Variants in UBE3C observed in about 807,000 individuals in gnomAD.
UBE3C encodes the protein ubiquitin protein ligase E3C.
A neutral mutation model predicts 129.4 loss-of-function variants in UBE3C; 42 were observed. The observed-to-expected ratio is 0.32, with a 90% CI of 0.25 to 0.42. The LOEUF (loss-of-function observed/expected upper bound fraction) is 0.42, where lower values mean the gene tolerates loss of function less well. Ranked by LOEUF, UBE3C falls within the 10% of genes least tolerant of loss-of-function variation. UBE3C has a pLI of 1.00. For synonymous variants in UBE3C, 510 were observed against 492.4 expected (o/e 1.04, Z -0.47); for missense variants, 1,049 against 1,319.1 (o/e 0.80, Z 3.17).
intron 1 of UBE3C, among the ~76,000 whole-genome samples, chr7:157,162,518 A>T (rs548573590): frequency 6.6e-6 from 1 of 150,540 alleles, no homozygotes; most frequent in South Asian, 2.1e-4. Flanking sequence ...GTAATGATTC[A>T]TATATAGTGT....
chr7:157,216,880 T>G lies in UBE3C; in HGVS notation c.1823T>G (p.Leu608Arg). 6.2e-7 allele frequency: 1 copy of G among 1,613,890 alleles called. No homozygotes were observed. The highest frequency in any genetic ancestry group is 8.5e-7 in the Non-Finnish European group (1 of 1,179,872). Residue 608 changes from leucine to arginine, a missense_variant, in exon 14 of 23, where the codon CTA (leucine) becomes CGA (arginine). Physicochemically the swap from Leu to Arg is moderately radical, Grantham distance 102 (BLOSUM62 -2). This residue lies in a region of UBE3C where 314 missense variants were observed against 416.9 expected (regional missense o/e 0.75). Coordinates refer to ENST00000348165, the MANE Select transcript of UBE3C (RefSeq NM_014671.3). Reference protein sequence around the residue: ...WIQLFKVITNLVKMLKSRDTR... With the variant: ...WIQLFKVITNRVKMLKSRDTR... ...CTTTCTTTTCAGGTTATCACCAATC[T>G]AGTGAAAATGTTGAAGTCCAGAGAC...
chr7:157,249,590 G>A (rs1294543350), intron 19 of UBE3C, among the ~76,000 whole-genome samples: 1 of 152,240 alleles, frequency 6.6e-6, no homozygotes, highest in African/African-American at 2.4e-5. Context: ...TGGGATTACA[G>A]GCGTGAGCCA....
chr7:157,159,781 C>G (rs1386627478), intron 1 of UBE3C, among the ~76,000 whole-genome samples: 2 of 152,090 alleles, frequency 1.3e-5, no homozygotes. Flanking sequence ...CAAGATAGCC[C>G]CACTGCACTC....
chr7:157,171,517 C>T (rs2116887854), intron 4 of UBE3C, among the ~76,000 whole-genome samples: 1 of 151,640 alleles, frequency 6.6e-6, no homozygotes, highest in African/African-American at 2.4e-5. Flanking sequence ...TGCTGAGGAA[C>T]AGTGTGTATT....
chr7:157,184,612 C>T (rs1808758654), intron 9 of UBE3C, among the ~76,000 whole-genome samples: 1 of 152,086 alleles, frequency 6.6e-6, no homozygotes, highest in Non-Finnish European at 1.5e-5. Context: ...TGAGGTATGG[C>T]TATCATAAGT....
chr7:157,154,887 A>C (rs796960305), intron 1 of UBE3C, among the ~76,000 whole-genome samples: 5 of 152,298 alleles, frequency 3.3e-5, no homozygotes, highest in African/African-American at 1.2e-4. Flanking sequence ...GCTATACTGA[A>C]ATGTATTTAA....
chr7:157,229,205 A>G (rs1795956735), intron 17 of UBE3C, among the ~76,000 whole-genome samples: 1 of 152,168 alleles, frequency 6.6e-6, no homozygotes, highest in African/African-American at 2.4e-5. Flanking sequence ...ATTCTTAGGG[A>G]AAGATAAAGG....
At chr7:157,237,812 G>A (rs1479716765) in intron 18 of UBE3C, among the ~76,000 whole-genome samples, 2 of 152,044 alleles carry the variant, frequency 1.3e-5, no homozygotes, top group Non-Finnish European at 2.9e-5. Context: ...TTGGGAGGCC[G>A]AGGTGGGAAG....
intron 10 of UBE3C, chr7:157,192,234 G>C: frequency 3.2e-6 from 1 of 316,438 alleles, no homozygotes; most frequent in East Asian, 7.2e-5. Context: ...GAGTACACTT[G>C]GAAGAAGCAT....
rs375850651 is a variant in UBE3C at position 157,183,913 on chromosome 7, C to T, written c.1027C>T (p.Arg343Trp). The change falls in exon 9 of 23, where the codon CGG becomes TGG. Residue 343 changes from arginine (R) to tryptophan (W), a missense_variant. By Grantham distance (101) the Arg-to-Trp change is moderately radical. Coordinates refer to ENST00000348165, the MANE Select transcript of UBE3C (RefSeq NM_014671.3). ...LSEEGLLVYL[R>W]VLQTFLSQLP... Reference sequence around the variant, plus strand: ...TGAGGAAGGGCTGCTGGTGTATTTGCGGGTGCTGCAGACCTTCCTCTCTCA... The same window carrying T: ...TGAGGAAGGGCTGCTGGTGTATTTGTGGGTGCTGCAGACCTTCCTCTCTCA... 1.3e-5 allele frequency: 21 copies of T among 1,613,946 alleles called. No homozygotes were observed. Among genetic ancestry groups the T allele is most frequent in the African/African-American group, 2.7e-5 (2 of 74,900 alleles).
chr7:157,223,797 G>A (rs886071154), intron 16 of UBE3C, among the ~76,000 whole-genome samples: 2 of 152,114 alleles, frequency 1.3e-5, no homozygotes, highest in Non-Finnish European at 2.9e-5. Flanking sequence ...GCATGTACCT[G>A]TAGTCCCAGC....
At chr7:157,197,497 T>C in intron 10 of UBE3C, 1 of 817,104 alleles carries the variant, frequency 1.2e-6, no homozygotes, top group Non-Finnish European at 1.7e-6. Context: ...GTAAAAATAA[T>C]AAAAATAATT....
intron 1 of UBE3C, among the ~76,000 whole-genome samples, chr7:157,157,322 A>G (rs1807937216): frequency 6.6e-6 from 1 of 152,236 alleles, no homozygotes; most frequent in Non-Finnish European, 1.5e-5. Context: ...ACATAAAAAT[A>G]TCATAACCAA....
chr7:157,188,986 A>G (rs772094862), intron 10 of UBE3C: 3 of 615,536 alleles, frequency 4.9e-6, no homozygotes, highest in South Asian at 4.0e-5. Flanking sequence ...GTACCCTGAC[A>G]TGGAAAGATT....
chr7:157,164,651 T>G (rs1363236592), intron 2 of UBE3C: 8 of 343,034 alleles, frequency 2.3e-5, no homozygotes, highest in Non-Finnish European at 3.4e-5. Flanking sequence ...TGACCTGCTT[T>G]TTTAGGTAGA....
intron 1 of UBE3C, among the ~76,000 whole-genome samples, chr7:157,160,222 G>A (rs563568029): frequency 2.6e-5 from 4 of 152,010 alleles, no homozygotes; most frequent in African/African-American, 4.8e-5. Flanking sequence ...CTACAGGTGC[G>A]CGCCACCACG....
At chr7:157,247,949 T>A (rs1335801216) in intron 18 of UBE3C, among the ~76,000 whole-genome samples, 1 of 152,102 alleles carries the variant, frequency 6.6e-6, no homozygotes, top group African/African-American at 2.4e-5. Context: ...TAGGGTCCAA[T>A]AGCTGCGAGG....
At chr7:157,217,000 A>G (rs752743020) in intron 14 of UBE3C, 29 bp downstream of exon 14, 19 of 1,540,178 alleles carry the variant, frequency 1.2e-5, no homozygotes, top group Non-Finnish European at 1.7e-5. Context: ...TTTAATATTT[A>G]TCATTAAAAA....
At chr7:157,265,528 C>CG in intron 22 of UBE3C, among the ~76,000 whole-genome samples, 1 of 152,292 alleles carries the variant, frequency 6.6e-6, no homozygotes, top group East Asian at 1.9e-4. Flanking sequence ...AAACCAGGTA[C>CG]GTATTCATTG....
Sources: allele counts gnomAD v4.1 joint callset (sites outside exome capture counted in the v4.1 genomes callset), GRCh38; gene constraint gnomAD v4.1.1; regional missense constraint gnomAD v4.1.1; transcripts MANE v1.5; gene names NCBI Gene and HGNC (gene_info 2026-07-23, HGNC 2026-07-21).